The following FAAH2 variants were observed in gnomAD, a reference collection of about 807,000 sequenced individuals.
FAAH2 encodes the protein fatty-acid amide hydrolase 2.
FAAH2 carries 60 observed loss-of-function variants against 36.9 expected under a neutral mutation model. That is an observed-to-expected ratio of 1.63 (90% CI 1.32 to 2.02). FAAH2 has a LOEUF of 2.02. Ranked by LOEUF, FAAH2 falls within the 30% of genes most tolerant of loss-of-function variation. FAAH2 has a pLI of 0.00. For synonymous variants in FAAH2, 214 were observed against 143.8 expected, an observed-to-expected ratio of 1.49 and a Z score of -3.49; for missense variants, 689 against 397.5, an observed-to-expected ratio of 1.73 and a Z score of -6.23.
At chrX:57,341,906 A>G (rs1023967931) in intron 5 of FAAH2, among the ~76,000 whole-genome samples, 2 of 111,575 alleles carry the variant, frequency 1.8e-5, no homozygotes, top group South Asian at 7.4e-4. Context: ...CTGTTTTTTC[A>G]ATGAATTCAA....
In FAAH2 at chrX:57,488,825, T is replaced by A. The variant is rs1217959567; in HGVS notation, c.1492T>A (p.Leu498Ile). Residue 498 changes from leucine to isoleucine, a missense_variant, in exon 11 of 11, where the codon TTA becomes ATA. Coordinates refer to ENST00000374900, the MANE Select transcript of FAAH2 (RefSeq NM_174912.4). ...PLGLNAKGLP[L>I]GIQVVAGPFN... ...GGGACTGAATGCCAAAGGACTCCCT[T>A]TAGGCATCCAGGTTGTGGCTGGACC... is the stretch of plus-strand genomic sequence containing the variant. 5.0e-6 allele frequency: 6 copies of A among 1,209,680 alleles called. No homozygotes were observed. The highest frequency in any genetic ancestry group is 6.7e-6 in the Non-Finnish European group (6 of 895,209).
intron 10 of FAAH2, among the ~76,000 whole-genome samples, chrX:57,486,700 G>C (rs1328642470): frequency 9.0e-6 from 1 of 111,596 alleles, no homozygotes; most frequent in East Asian, 2.8e-4. Context: ...CTGGATATAT[G>C]TTTACAGCTC....
chrX:57,203,240 A>G, the FAAH2 span, among the ~76,000 whole-genome samples: 2 of 112,274 alleles, frequency 1.8e-5, no homozygotes, highest in Admixed American at 1.9e-4. Flanking sequence ...CCTTATGGGA[A>G]ACAAAGGGAT....
At chrX:57,479,476 T>C (rs914122295) in intron 10 of FAAH2, among the ~76,000 whole-genome samples, 1 of 111,346 alleles carries the variant, frequency 9.0e-6, no homozygotes, top group Admixed American at 9.6e-5. Flanking sequence ...TTGAATGCCC[T>C]TTTTTTCCTT....
At chrX:57,442,661 A>G (rs142945097) in intron 8 of FAAH2, among the ~76,000 whole-genome samples, 3,039 of 111,537 alleles carry the variant, frequency 0.027, 96 homozygotes, top group African/African-American at 0.095. Flanking sequence ...TATGATGTTA[A>G]CTGGTTATTT....
chrX:57,231,645 A>C, the FAAH2 span, among the ~76,000 whole-genome samples: 29 of 111,900 alleles, frequency 2.6e-4, no homozygotes, highest in Non-Finnish European at 4.5e-4. Context: ...CTCACAGTAC[A>C]TCTTAGAAAC....
At chrX:57,201,535 G>C in the FAAH2 span, among the ~76,000 whole-genome samples, 1 of 110,755 alleles carries the variant, frequency 9.0e-6, no homozygotes, top group African/African-American at 3.3e-5. Context: ...CTTTATTCTT[G>C]ACCTTTAGGA....
At chrX:57,222,162 CA>C in the FAAH2 span, among the ~76,000 whole-genome samples, 6 of 111,028 alleles carry the variant, frequency 5.4e-5, no homozygotes, top group Admixed American at 9.5e-5. Flanking sequence ...GCAAACTAAG[CA>C]AAAAAATCTC....
chrX:57,409,844 A>T (rs760143389), intron 7 of FAAH2, among the ~76,000 whole-genome samples: 15 of 110,092 alleles, frequency 1.4e-4, no homozygotes, highest in Admixed American at 7.8e-4. Flanking sequence ...TCAGTTTTTT[A>T]AAAAAAATCT....
At chrX:57,150,418 G>C in the FAAH2 span, among the ~76,000 whole-genome samples, 1 of 111,816 alleles carries the variant, frequency 8.9e-6, no homozygotes, top group Non-Finnish European at 1.9e-5. Context: ...GGTCACTAAG[G>C]ACTTGCTTTA....
chrX:57,161,610 T>C, the FAAH2 span, among the ~76,000 whole-genome samples: 3 of 111,955 alleles, frequency 2.7e-5, no homozygotes, highest in Non-Finnish European at 1.9e-5. Flanking sequence ...TTTACCGTTA[T>C]GTAATGGCCT....
intron 7 of FAAH2, among the ~76,000 whole-genome samples, chrX:57,417,741 A>AGGCACTTAG (rs1217919022): frequency 9.8e-5 from 11 of 111,961 alleles, no homozygotes; most frequent in African/African-American, 2.9e-4. Flanking sequence ...TCTGTCTCTT[A>AGGCACTTAG]GCAGAGCTCT....
In FAAH2 at chrX:57,421,661, A is replaced by G. The variant is rs754850058; in HGVS notation, c.997-10257A>G. Among the ~76,000 whole-genome samples, 27 of 111,478 alleles carry G rather than the reference A, an allele frequency of 2.4e-4. No individual in the cohort carries two copies. In the Middle Eastern group the frequency reaches 0.018, roughly 76 times the overall value. On this transcript the variant is annotated intron_variant, in intron 7 of 10. Transcript: ENST00000374900. ...ATTAAATCTTAAAGATTATCTCTAG[A>G]TACAGTCACATTAAGGGTTAGGGTT...
intron 7 of FAAH2, among the ~76,000 whole-genome samples, chrX:57,400,985 T>G (rs1384397679): frequency 9.0e-6 from 1 of 110,736 alleles, no homozygotes; most frequent in African/African-American, 3.3e-5. Context: ...TAGCCAGGTG[T>G]GGTGGCGGGC....
intron 5 of FAAH2, among the ~76,000 whole-genome samples, chrX:57,374,739 T>C (rs780018403): frequency 9.0e-6 from 1 of 111,625 alleles, no homozygotes; most frequent in South Asian, 3.8e-4. Flanking sequence ...GGACTTCCAG[T>C]ACTGTGTTGA....
intron 5 of FAAH2, among the ~76,000 whole-genome samples, chrX:57,356,452 A>C (rs1569287539): frequency 9.1e-6 from 1 of 110,295 alleles, no homozygotes; most frequent in East Asian, 2.8e-4. Flanking sequence ...GTTCTTTCAG[A>C]TTTTTTCTCT....
chrX:57,270,054 G>A, the FAAH2 span, among the ~76,000 whole-genome samples: 25 of 111,609 alleles, frequency 2.2e-4, no homozygotes, highest in Admixed American at 2.9e-4. Flanking sequence ...CACTGACCCC[G>A]CAGAAATAAA....
the FAAH2 span, among the ~76,000 whole-genome samples, chrX:57,214,891 G>A: frequency 0.14 from 15,785 of 109,591 alleles, 1,182 homozygotes; most frequent in Non-Finnish European, 0.21. Context: ...TCTAACACTC[G>A]TCAGTATCTA....
chrX:57,400,372 G>A (rs1407666051), intron 7 of FAAH2, among the ~76,000 whole-genome samples: 1 of 112,292 alleles, frequency 8.9e-6, no homozygotes, highest in Non-Finnish European at 1.9e-5. Flanking sequence ...GTATGCCACA[G>A]GTTACAAGCT....
Sources: allele counts gnomAD v4.1 joint callset (sites outside exome capture counted in the v4.1 genomes callset), GRCh38; gene constraint gnomAD v4.1.1; transcripts MANE v1.5; gene names NCBI Gene and HGNC (gene_info 2026-07-23, HGNC 2026-07-21).